The following GSTM5 variants were observed in gnomAD, a reference collection of about 807,000 sequenced individuals.
GSTM5 encodes GST class-mu 5.
Under a neutral mutation model 29.0 loss-of-function variants are expected in GSTM5, and 24 were observed. The observed-to-expected ratio is 0.83, with a 90% CI of 0.60 to 1.16. The LOEUF (loss-of-function observed/expected upper bound fraction) is 1.16. Ranked by LOEUF, GSTM5 falls within the 50% of genes most tolerant of loss-of-function variation. The pLI is 0.00. For missense variants in GSTM5, 290 were observed against 263.0 expected, an observed-to-expected ratio of 1.10 and a Z score of -0.71; for synonymous variants, 91 against 93.6, an observed-to-expected ratio of 0.97 and a Z score of 0.16.
intron 5 of GSTM5, 51 bp downstream of exon 5, chr1:109,713,812 A>G (rs1211080230): frequency 6.6e-7 from 1 of 1,523,946 alleles, no homozygotes; most frequent in South Asian, 1.1e-5. Flanking sequence ...CTTTTGGCCC[A>G]GACCAGGGAG....
At chr1:109,712,887 C>T (rs943212900) in intron 2 of GSTM5, 194 bp downstream of exon 2, 20 of 849,206 alleles carry the variant, frequency 2.4e-5, no homozygotes, top group Admixed American at 8.1e-5. Context: ...GACACCCTGT[C>T]TAATTGGGTT....
intron 3 of GSTM5, 107 bp from the exon 4 acceptor site, chr1:109,713,377 G>T (rs765381351): frequency 6.7e-7 from 1 of 1,501,712 alleles, no homozygotes; most frequent in South Asian, 1.1e-5. Flanking sequence ...TCTATCTCAG[G>T]CCTGCCATGA....
At chr1:109,714,023 T>C (rs1648660722) in intron 5 of GSTM5, 1 of 337,360 alleles carries the variant, frequency 3.0e-6, no homozygotes, top group South Asian at 3.0e-5. Flanking sequence ...CCCAGTGAGC[T>C]GCACCTGGCA....
In GSTM5 at chr1:109,713,768, C is replaced by A; in HGVS notation, c.360+7C>A. 6.2e-7 allele frequency: 1 copy of A among 1,606,582 alleles called. No homozygotes were observed. The highest frequency in any genetic ancestry group is 8.5e-7 in the Non-Finnish European group (1 of 1,174,294). On this transcript the variant is annotated splice_region_variant and intron_variant, in intron 5 of 7. Coordinates refer to ENST00000256593, the MANE Select transcript of GSTM5 (RefSeq NM_000851.4). ...GTGCTATGACCCAGATTTTGTGAGTCCCACACCCCACTCCCAGTCACCCAT... is the reference window on the plus strand; with the variant it reads ...GTGCTATGACCCAGATTTTGTGAGTACCACACCCCACTCCCAGTCACCCAT...
Position 109,717,469 on chromosome 1 carries a change from C to T in GSTM5, c.*43C>T. On this transcript the variant is annotated 3_prime_UTR_variant, in exon 8 of 8. Coordinates refer to ENST00000256593, the MANE Select transcript of GSTM5 (RefSeq NM_000851.4). ...AGATGGGAGGGAGGAGCCAACCTTG[C>T]TGCCTGCGACCCTGGAGGACAGCCT... 7.2e-7 allele frequency: 1 copy of T among 1,381,090 alleles called. No individual in the cohort carries two copies. Among genetic ancestry groups the T allele is most frequent in the Non-Finnish European group, 1.0e-6 (1 of 967,472 alleles). 85.6% of individuals were successfully genotyped at this position (1,381,090 alleles called of 1,614,324 possible). A position where few individuals can be genotyped will look rare whatever the true frequency, so the allele number is the denominator to read the frequency against.
chr1:109,714,673 G>A (rs1018975645), intron 5 of GSTM5: 7 of 501,164 alleles, frequency 1.4e-5, no homozygotes, highest in African/African-American at 3.8e-5. Context: ...GTGCTCGGGC[G>A]CTCATGCGGC....
rs770886469 is a variant in GSTM5, at chr1:109,713,731, G to A, written c.330G>A (p.Glu110=). 2.5e-6 allele frequency: 4 copies of A among 1,612,846 alleles called. No individual in the cohort carries two copies. In the African/African-American group the frequency reaches 4.0e-5, roughly 16 times the overall value. Reference sequence around the variant, plus strand: ...ACCAGGTTATGGATAACCACATGGAGCTGGTCAGACTGTGCTATGACCCAG... The same window carrying A: ...ACCAGGTTATGGATAACCACATGGAACTGGTCAGACTGTGCTATGACCCAG... ...LENQVMDNHM[E]LVRLCYDPDF... Residue 110 remains glutamate (E), a synonymous_variant, in exon 5 of 8, where the codon GAG becomes GAA. Transcript: ENST00000256593.
Position 109,717,796 on chromosome 1 carries a change from C to T in GSTM5, c.*370C>T, listed in dbSNP as rs1648804262. On this transcript the variant is annotated 3_prime_UTR_variant, in exon 8 of 8. Coordinates refer to ENST00000256593, the MANE Select transcript of GSTM5 (RefSeq NM_000851.4). ...TATGCCCTGCTCCCTTTGCTGGGTC[C>T]CTACCCCAGCTCCGTGTGATGCCCA... is the stretch of plus-strand genomic sequence containing the variant. The T allele has an allele frequency of 5.4e-6, 1 of 185,082 alleles. No individual in the cohort carries two copies. The highest frequency in any genetic ancestry group is 1.1e-5 in the Non-Finnish European group (1 of 88,506). 11.5% of individuals were successfully genotyped at this position (185,082 alleles called of 1,614,324 possible). A position where few individuals can be genotyped will look rare whatever the true frequency, so the allele number is the denominator to read the frequency against.
intron 5 of GSTM5, chr1:109,714,745 C>A: frequency 3.2e-6 from 2 of 616,868 alleles, no homozygotes; most frequent in South Asian, 3.9e-5. Flanking sequence ...TCATTCTGAT[C>A]ACTTCAGATA....
At chr1:109,711,982 G>A (rs1447866088), upstream of GSTM5, among the ~76,000 whole-genome samples, 1 of 151,788 alleles carries the variant, frequency 6.6e-6, no homozygotes, top group Admixed American at 6.6e-5. Flanking sequence ...TGTCTCAAGC[G>A]CACAGCCAAG....
rs957745098 is a variant in GSTM5 at position 109,712,861 on chromosome 1, C to A, written c.112+168C>A. 5 of 909,234 alleles carry A rather than the reference C, an allele frequency of 5.5e-6. No individual in the cohort carries two copies. The African/African-American group carries it at 8.2e-5, about 15-fold the overall frequency. The allele number at this position is 909,234 out of a possible 1,614,324, so 56.3% of individuals were successfully genotyped here. On this transcript the variant is annotated intron_variant, in intron 2 of 7. Coordinates refer to ENST00000256593, the MANE Select transcript of GSTM5 (RefSeq NM_000851.4). ...CCCTCTGGCCTTGCAAGGCAGAATGCTGGGGCGGGATGCTGGACACCCTGT... is the reference window on the plus strand; with the variant it reads ...CCCTCTGGCCTTGCAAGGCAGAATGATGGGGCGGGATGCTGGACACCCTGT...
intron 2 of GSTM5, 69 bp from the exon 3 acceptor site, chr1:109,713,050 C>G (rs1648614942): frequency 3.1e-6 from 5 of 1,598,496 alleles, no homozygotes; most frequent in Non-Finnish European, 4.3e-6. Flanking sequence ...CCACTGGCTC[C>G]TTGGGAGGGT....
upstream of GSTM5, chr1:109,712,191 G>A: frequency 1.9e-6 from 2 of 1,067,550 alleles, no homozygotes; most frequent in African/African-American, 1.6e-5. Flanking sequence ...GGCGTGTTTC[G>A]GGGTTGTGGC....
At chr1:109,712,438 T>C in intron 1 of GSTM5, 90 bp downstream of exon 1, 1 of 1,492,306 alleles carries the variant, frequency 6.7e-7, no homozygotes, top group South Asian at 1.1e-5. Context: ...ACCGTTCCTC[T>C]TCAGGGCTGC....
At chr1:109,714,836 G>A (rs1264759388) in intron 5 of GSTM5, 111 bp from the exon 6 acceptor site, 1 of 977,278 alleles carries the variant, frequency 1.0e-6, no homozygotes, top group Non-Finnish European at 1.6e-6. Context: ...TTAGTTGTGG[G>A]GAAGATGGCT....
intron 7 of GSTM5, chr1:109,715,459 A>G: frequency 6.6e-7 from 1 of 1,518,656 alleles, no homozygotes; most frequent in Middle Eastern, 1.7e-4. Context: ...TTTAGAGATA[A>G]GAAAACTGAG....
intron 6 of GSTM5, 37 bp from the exon 7 acceptor site, chr1:109,715,093 C>T (rs1040849755): frequency 2.5e-5 from 40 of 1,613,874 alleles, no homozygotes; most frequent in Admixed American, 5.0e-5. Context: ...TCATGTGTTT[C>T]GGGGTTTTCA....
At position 109,715,163 on chromosome 1, in the gene GSTM5, C is replaced by G. The variant is rs746729123; in HGVS notation, c.490C>G (p.Leu164Val). 2 of 1,614,228 alleles carry G rather than the reference C, an allele frequency of 1.2e-6. No homozygotes were observed. The highest frequency in any genetic ancestry group is 2.2e-5 in the South Asian group (2 of 91,084). Residue 164 changes from leucine to valine, a missense_variant, in exon 7 of 8, where the codon CTT becomes GTT. Leu to Val is a conservative substitution (Grantham distance 32, BLOSUM62 1). Coordinates refer to ENST00000256593, the MANE Select transcript of GSTM5 (RefSeq NM_000851.4). Reference sequence around the variant, plus strand: ...TGTGGATTTCCTTGCCTATGATGTCCTTGACATGAAGCGTATATTTGAGCC... The same window carrying G: ...TGTGGATTTCCTTGCCTATGATGTCGTTGACATGAAGCGTATATTTGAGCC... ...TFVDFLAYDV[L>V]DMKRIFEPKC...
At chr1:109,715,605 C>G (rs998596678) in intron 7 of GSTM5, 1 of 1,051,390 alleles carries the variant, frequency 9.5e-7, no homozygotes, top group African/African-American at 1.6e-5. Context: ...CAGGCCTCAT[C>G]CAGCCTGGGT....
Sources: allele counts gnomAD v4.1 joint callset (sites outside exome capture counted in the v4.1 genomes callset), GRCh38; gene constraint gnomAD v4.1.1; transcripts MANE v1.5; gene names NCBI Gene and HGNC (gene_info 2026-07-23, HGNC 2026-07-21).